The following CENPM variants were observed in gnomAD, a reference collection of about 807,000 sequenced individuals.
CENPM encodes the protein centromere protein M, also known as interphase centromere complex protein 39.
In CENPM, 14 loss-of-function variants were observed where a neutral mutation model predicts 19.6. That is an observed-to-expected ratio of 0.71 (90% CI 0.47 to 1.11). The LOEUF is 1.11. Among genes scored for constraint, CENPM ranks in the 50% most tolerant of loss-of-function variants. The probability of loss-of-function intolerance (pLI) is 0.00; values close to 1 mark genes in which losing one functional copy is unlikely to be tolerated. For synonymous variants in CENPM, 114 were observed against 101.5 expected (o/e 1.12, Z -0.74); for missense variants, 239 against 228.4 (o/e 1.05, Z -0.30).
chr22:41,939,076 G>A lies in CENPM; in HGVS notation c.523C>T (p.Pro175Ser). Residue 175 changes from proline (P) to serine (S), a missense_variant, in exon 6 of 6, where the codon CCC becomes TCC. Physicochemically the swap from Pro to Ser is moderately conservative, Grantham distance 74. Coordinates refer to ENST00000215980, the MANE Select transcript of CENPM (RefSeq NM_024053.5). ...LLSLLRSSEG[P>S]SLEDL ...CACCCTCACAGGTCCTCCAGGGAGG[G>A]GCCCTCAGAGCTTCTCAGCAGGGAC... The A allele has an allele frequency of 6.2e-7, 1 of 1,612,996 alleles. No homozygotes were observed. The highest frequency in any genetic ancestry group is 8.5e-7 in the Non-Finnish European group (1 of 1,179,960).
At chr22:41,934,133 G>A (rs1404428781), downstream of CENPM, among the ~76,000 whole-genome samples, 1 of 152,172 alleles carries the variant, frequency 6.6e-6, no homozygotes, top group Non-Finnish European at 1.5e-5. Context: ...CTCTGCAGCT[G>A]GGCTGCTCCT....
At chr22:41,928,966 GC>G in the CENPM span, among the ~76,000 whole-genome samples, 1 of 152,154 alleles carries the variant, frequency 6.6e-6, no homozygotes, top group Non-Finnish European at 1.5e-5. The surrounding 1 kb of genome is among the most constrained non-coding windows in gnomAD (Gnocchi z 4.0). Context: ...CAGTCAGCCA[GC>G]CCTGACTGGT....
At chr22:41,934,988 C>T (rs1183516872), downstream of CENPM, among the ~76,000 whole-genome samples, 1 of 152,262 alleles carries the variant, frequency 6.6e-6, no homozygotes, top group African/African-American at 2.4e-5. Flanking sequence ...CATCCCCCGC[C>T]TTCCAGGGAC....
the CENPM span, among the ~76,000 whole-genome samples, chr22:41,928,764 C>T: frequency 6.6e-6 from 1 of 151,972 alleles, no homozygotes; most frequent in Non-Finnish European, 1.5e-5. This position sits in a 1 kb window ranked among gnomAD's most constrained non-coding sequence, Gnocchi z 4.0. Flanking sequence ...CAGTACAGAA[C>T]CTGGGGGTGT....
downstream of CENPM, among the ~76,000 whole-genome samples, chr22:41,934,134 G>A (rs1329791602): frequency 6.6e-6 from 1 of 152,178 alleles, no homozygotes; most frequent in Non-Finnish European, 1.5e-5. Flanking sequence ...TCTGCAGCTG[G>A]GCTGCTCCTG....
At chr22:41,939,291 C>T (rs966415639) in intron 5 of CENPM, 95 bp from the exon 6 acceptor site, 16 of 1,445,316 alleles carry the variant, frequency 1.1e-5, no homozygotes, top group South Asian at 6.9e-5. Context: ...GGGCTGGGGG[C>T]GGATACTTGG....
chr22:41,947,057 A>G lies in CENPM; in HGVS notation c.20T>C (p.Leu7Pro). MSVLRP[L>P]DKLPGLNTAT... Reference sequence around the variant, plus strand: ...CGTGTTCAGGCCGGGCAGCTTGTCCAGGGGCCTCAACACCGACATCACAGC... The same window carrying G: ...CGTGTTCAGGCCGGGCAGCTTGTCCGGGGGCCTCAACACCGACATCACAGC... The change falls in exon 1 of 6, where the codon CTG (leucine) becomes CCG (proline). Residue 7 changes from leucine (L) to proline (P), a missense_variant. Transcript: ENST00000215980. The G allele has an allele frequency of 6.2e-7, 1 of 1,612,860 alleles. No homozygotes were observed. Among genetic ancestry groups the G allele is most frequent in the Non-Finnish European group, 8.5e-7 (1 of 1,179,906 alleles).
At chr22:41,946,744 G>C (rs1036274292) in intron 1 of CENPM, 3 of 598,928 alleles carry the variant, frequency 5.0e-6, no homozygotes, top group Non-Finnish European at 8.9e-6. Context: ...TCTCCAGGAG[G>C]CCAGACCCCC....
At chr22:41,946,891 C>T in intron 1 of CENPM, 129 bp downstream of exon 1, 1 of 901,744 alleles carries the variant, frequency 1.1e-6, no homozygotes, top group Non-Finnish European at 1.8e-6. Context: ...CATGGCTCTC[C>T]GCCTATTCCC....
rs541800268 is a variant in CENPM at position 41,946,456 on chromosome 22, T to C, written c.98A>G (p.Asp33Gly). Residue 33 changes from aspartate to glycine, a missense_variant, in exon 2 of 6, where the codon GAC becomes GGC. Coordinates refer to ENST00000215980, the MANE Select transcript of CENPM (RefSeq NM_024053.5). ...GGCGCAGTCCTCTTTGAGCATCGAG[T>C]CCGCCAGCTGCTGCAGAAGAGCATC... ...TEDALLQQLADSMLKEDCASE... is the reference protein window; with the variant it reads ...TEDALLQQLAGSMLKEDCASE... 1 of 1,612,914 alleles carries C rather than the reference T, an allele frequency of 6.2e-7. No individual in the cohort carries two copies.
At position 41,945,229 on chromosome 22, in the gene CENPM, T is replaced by G; in HGVS notation, c.306A>C (p.Thr102=). The G allele has an allele frequency of 1.2e-6, 2 of 1,613,938 alleles. No homozygotes were observed. The highest frequency in any genetic ancestry group is 1.7e-6 in the Non-Finnish European group (2 of 1,179,982). Residue 102 remains threonine (T), a synonymous_variant, in exon 4 of 6, where the codon ACA becomes ACC. Coordinates refer to ENST00000215980, the MANE Select transcript of CENPM (RefSeq NM_024053.5). The part of the protein sequence containing the change: ...FFLGKVCFLA[T]GAGRESHCSI... ...ACAGGCGAGGAACGTACTTACCACC[T>G]GTGGCGAGGAAACACACCTTCCCCA...
At chr22:41,940,617 C>T (rs1302372783) in intron 5 of CENPM, among the ~76,000 whole-genome samples, 1 of 152,142 alleles carries the variant, frequency 6.6e-6, no homozygotes, top group Non-Finnish European at 1.5e-5. Flanking sequence ...AACTCCTGAC[C>T]TCAGGTGATC....
rs954480897 is a variant in CENPM, at chr22:41,939,266, G to A, written c.403-70C>T. ...TGCTCCCTTACCCAGAGCAGCTGCA[G>A]GGGCTGCCAGAGCAGGGCTGGGGGC... On this transcript the variant is annotated intron_variant, in intron 5 of 5. Coordinates refer to ENST00000215980, the MANE Select transcript of CENPM (RefSeq NM_024053.5). The A allele has an allele frequency of 3.3e-6, 5 of 1,508,968 alleles. No individual in the cohort carries two copies. The African/African-American group carries it at 5.5e-5, about 17-fold the overall frequency. The allele number at this position is 1,508,968 out of a possible 1,614,324, so 93.5% of individuals were successfully genotyped here.
chr22:41,932,427 C>T, the CENPM span, among the ~76,000 whole-genome samples: 26 of 152,196 alleles, frequency 1.7e-4, no homozygotes, highest in Admixed American at 5.9e-4. The surrounding 1 kb of genome is among the most constrained non-coding windows in gnomAD (Gnocchi z 4.3). Context: ...CCCCAGATCC[C>T]GTTCCTCCCC....
chr22:41,942,706 G>A (rs1009115256), intron 5 of CENPM, among the ~76,000 whole-genome samples: 7 of 150,756 alleles, frequency 4.6e-5, no homozygotes, highest in East Asian at 1.9e-4. Context: ...AGCCGAGATC[G>A]CGCCACTGCA....
At chr22:41,933,229 C>T in the CENPM span, among the ~76,000 whole-genome samples, 10 of 152,034 alleles carry the variant, frequency 6.6e-5, no homozygotes, top group African/African-American at 2.2e-4. Context: ...GGGGCTAGCA[C>T]GACTGGTCCC....
chr22:41,929,430 A>G, the CENPM span, among the ~76,000 whole-genome samples: 1 of 152,164 alleles, frequency 6.6e-6, no homozygotes, highest in Non-Finnish European at 1.5e-5. Flanking sequence ...TGGCCCAGTG[A>G]GGCCAGAGTC....
chr22:41,939,077 G>A lies in CENPM; in HGVS notation c.522C>T (p.Gly174=). ...NLLSLLRSSE[G]PSLEDL ...ACCCTCACAGGTCCTCCAGGGAGGGGCCCTCAGAGCTTCTCAGCAGGGACA... is the reference window on the plus strand; with the variant it reads ...ACCCTCACAGGTCCTCCAGGGAGGGACCCTCAGAGCTTCTCAGCAGGGACA... The change falls in exon 6 of 6, where the codon GGC becomes GGT. Residue 174 remains glycine (G), a synonymous_variant. Coordinates refer to ENST00000215980, the MANE Select transcript of CENPM (RefSeq NM_024053.5). 3 of 1,613,016 alleles carry A rather than the reference G, an allele frequency of 1.9e-6. No homozygotes were observed. Among genetic ancestry groups the A allele is most frequent in the Non-Finnish European group, 2.5e-6 (3 of 1,179,962 alleles).
intron 3 of CENPM, 115 bp downstream of exon 3, chr22:41,945,798 C>A: frequency 1.3e-6 from 1 of 770,058 alleles, no homozygotes; most frequent in Non-Finnish European, 2.1e-6. Context: ...TACAGATTGA[C>A]CTCAGCCAGC....
Sources: allele counts gnomAD v4.1 joint callset (sites outside exome capture counted in the v4.1 genomes callset), GRCh38; gene constraint gnomAD v4.1.1; non-coding constraint Gnocchi (gnomAD v3.1); transcripts MANE v1.5; gene names NCBI Gene and HGNC (gene_info 2026-07-23, HGNC 2026-07-21).